The following DNAJC15 variants were observed in gnomAD, a reference collection of about 807,000 sequenced individuals.
DNAJC15 encodes the protein DnaJ heat shock protein family (Hsp40) member C15.
In DNAJC15, 27 loss-of-function variants were observed where a neutral mutation model predicts 22.4. That is an observed-to-expected ratio of 1.20 (90% CI 0.89 to 1.66). The LOEUF (loss-of-function observed/expected upper bound fraction) is 1.66. DNAJC15 is among the 40% of genes most tolerant of loss of function. The pLI, the probability that DNAJC15 is intolerant of heterozygous loss-of-function variation, is 0.00. For missense variants in DNAJC15, 208 were observed against 187.1 expected, an observed-to-expected ratio of 1.11 and a Z score of -0.65; for synonymous variants, 79 against 63.2, an observed-to-expected ratio of 1.25 and a Z score of -1.19.
intron 1 of DNAJC15, among the ~76,000 whole-genome samples, chr13:43,045,301 T>A (rs2040471543): frequency 6.6e-6 from 1 of 152,194 alleles, no homozygotes; most frequent in Admixed American, 6.5e-5. Context: ...ACTTTAAATT[T>A]GTTGCTCTTG....
At chr13:43,048,908 C>T (rs761483304) in intron 1 of DNAJC15, among the ~76,000 whole-genome samples, 39 of 151,864 alleles carry the variant, frequency 2.6e-4, no homozygotes, top group Non-Finnish European at 4.9e-4. Context: ...ACGTCTGAAT[C>T]GTCAGATAAA....
chr13:43,029,357 A>G (rs2040394483), intron 1 of DNAJC15, among the ~76,000 whole-genome samples: 1 of 152,128 alleles, frequency 6.6e-6, no homozygotes, highest in East Asian at 1.9e-4. Context: ...TTTCTTCTTC[A>G]TTTCCCTCTG....
intron 1 of DNAJC15, among the ~76,000 whole-genome samples, chr13:43,045,209 C>A (rs2040470846): frequency 1.3e-5 from 2 of 152,174 alleles, no homozygotes; most frequent in Non-Finnish European, 2.9e-5. Context: ...GTTCCCATTG[C>A]TAGTCCAAAA....
intron 1 of DNAJC15, among the ~76,000 whole-genome samples, chr13:43,063,211 T>C (rs1389394299): frequency 6.6e-6 from 1 of 152,228 alleles, no homozygotes; most frequent in African/African-American, 2.4e-5. Flanking sequence ...GGTTTCACCA[T>C]GTTGGCAAGG....
At chr13:43,077,701 G>A (rs892941441) in intron 3 of DNAJC15, among the ~76,000 whole-genome samples, 1 of 152,188 alleles carries the variant, frequency 6.6e-6, no homozygotes, top group African/African-American at 2.4e-5. Flanking sequence ...CCCAGTGTCT[G>A]GGGAGTAAGT....
chr13:43,062,376 G>C (rs1160053845), intron 1 of DNAJC15, among the ~76,000 whole-genome samples: 4 of 152,146 alleles, frequency 2.6e-5, no homozygotes, highest in Non-Finnish European at 5.9e-5. Context: ...CCTCTCACTG[G>C]TGAAACCCAA....
chr13:43,078,583 T>TACGTG, intron 3 of DNAJC15, 29 bp from the exon 4 acceptor site: 1 of 1,597,996 alleles, frequency 6.3e-7, no homozygotes, highest in Non-Finnish European at 8.6e-7. Context: ...GTGGAACTAA[T>TACGTG]GATTTCTTGC....
At position 43,023,624 on chromosome 13, in the gene DNAJC15, G is replaced by T; in HGVS notation, c.-3G>T. 6.2e-7 allele frequency: 1 copy of T among 1,608,660 alleles called. No individual in the cohort carries two copies. The highest frequency in any genetic ancestry group is 8.5e-7 in the Non-Finnish European group (1 of 1,177,734). ...GCGCCTTGAGTCTCCGGGCCGCCTT[G>T]CCATGGCTGCCCGTGGTGTCATCGC... On this transcript the variant is annotated 5_prime_UTR_variant, in exon 1 of 6. Transcript: ENST00000379221.
intron 5 of DNAJC15, among the ~76,000 whole-genome samples, chr13:43,099,341 TCTTA>T (rs2040755972): frequency 6.6e-6 from 1 of 152,226 alleles, no homozygotes; most frequent in South Asian, 2.1e-4. Flanking sequence ...ATAGTGATAG[TCTTA>T]CTTCTTGCTT....
chr13:43,067,073 T>C (rs1484776247), intron 2 of DNAJC15, among the ~76,000 whole-genome samples: 2 of 152,242 alleles, frequency 1.3e-5, no homozygotes, highest in Admixed American at 1.3e-4. Flanking sequence ...CTAGCATTTG[T>C]GTTTGTAAGT....
At chr13:43,088,958 G>C (rs2040701865) in intron 5 of DNAJC15, among the ~76,000 whole-genome samples, 1 of 151,738 alleles carries the variant, frequency 6.6e-6, no homozygotes, top group African/African-American at 2.4e-5. Context: ...TTTTGGTAAA[G>C]AGAAAATTTT....
At chr13:43,046,520 GGTA>G (rs1385583360) in intron 1 of DNAJC15, among the ~76,000 whole-genome samples, 1 of 151,838 alleles carries the variant, frequency 6.6e-6, no homozygotes, top group Non-Finnish European at 1.5e-5. Flanking sequence ...CAACCAATCA[GGTA>G]GTAAAGAGGG....
chr13:43,078,120 C>T lies in DNAJC15; in HGVS notation c.235-492C>T, dbSNP rs994382824. Among the ~76,000 whole-genome samples, 5 of 152,158 alleles carry T rather than the reference C, an allele frequency of 3.3e-5. 1 individual carries two copies. The highest frequency in any genetic ancestry group is 7.3e-5 in the Non-Finnish European group (5 of 68,034). On this transcript the variant is annotated intron_variant, in intron 3 of 5. Transcript: ENST00000379221. Reference sequence around the variant, plus strand: ...CGAGTCCTCCTTTTCTCCTTGTTCACGCCTCTCCAGCAGCATTGAAACCTT... The same window carrying T: ...CGAGTCCTCCTTTTCTCCTTGTTCATGCCTCTCCAGCAGCATTGAAACCTT...
intron 1 of DNAJC15, among the ~76,000 whole-genome samples, chr13:43,028,804 C>T (rs919806911): frequency 3.9e-5 from 6 of 152,236 alleles, no homozygotes; most frequent in African/African-American, 1.2e-4. Flanking sequence ...GTGAAGCCTT[C>T]CCTGACCCCA....
In DNAJC15 at chr13:43,085,827, A is replaced by G. The variant is rs181060890; in HGVS notation, c.371A>G (p.His124Arg). The change falls in exon 5 of 6, where the codon CAC becomes CGC. Residue 124 changes from histidine (H) to arginine (R), a missense_variant. His to Arg is a conservative substitution (Grantham distance 29). Transcript: ENST00000379221. ...CATAGGAGAGTCATGATTTTGAATC[A>G]CCCAGATAAAGGTAGGTAGAATTCC... ...TAHRRVMILN[H>R]PDKGGSPYVA... 3 of 1,613,382 alleles carry G rather than the reference A, an allele frequency of 1.9e-6. No individual in the cohort carries two copies. In the Admixed American group the frequency reaches 5.0e-5, roughly 27 times the overall value.
intron 1 of DNAJC15, among the ~76,000 whole-genome samples, chr13:43,064,449 T>C (rs1292638120): frequency 4.6e-5 from 7 of 152,220 alleles, no homozygotes; most frequent in Admixed American, 4.6e-4. Context: ...AGAAGTCTAT[T>C]CATTCTGTTC....
intron 1 of DNAJC15, 84 bp downstream of exon 1, chr13:43,023,818 C>A: frequency 1.6e-6 from 2 of 1,251,524 alleles, no homozygotes; most frequent in South Asian, 1.3e-5. Flanking sequence ...ACCCTTGAAC[C>A]TTTGTACTCC....
At chr13:43,059,699 A>G (rs752916489) in intron 1 of DNAJC15, among the ~76,000 whole-genome samples, 1 of 152,270 alleles carries the variant, frequency 6.6e-6, no homozygotes, top group Non-Finnish European at 1.5e-5. Context: ...TGAAGAGACC[A>G]CCAAACAGGC....
intron 1 of DNAJC15, among the ~76,000 whole-genome samples, chr13:43,049,454 GA>G (rs2040493086): frequency 6.6e-6 from 1 of 152,176 alleles, no homozygotes; most frequent in Non-Finnish European, 1.5e-5. Flanking sequence ...TAGTAAACGA[GA>G]AATAGCATAG....
Sources: gnomAD v4.1 joint callset for allele counts (sites outside exome capture counted in the v4.1 genomes callset) on GRCh38, gnomAD v4.1.1 for gene constraint, MANE v1.5 for transcripts, NCBI Gene and HGNC (gene_info 2026-07-23, HGNC 2026-07-21) for gene names.